KHDRBS3: variants seen among roughly 807,000 people sequenced by gnomAD.
KHDRBS3 encodes KH RNA binding domain containing, signal transduction associated 3.
KHDRBS3 carries 23 observed loss-of-function variants against 45.6 expected under a neutral mutation model. That is an observed-to-expected ratio of 0.50 (90% CI 0.36 to 0.72). The LOEUF (loss-of-function observed/expected upper bound fraction) is 0.72, where lower values mean the gene tolerates loss of function less well. Among genes scored for constraint, KHDRBS3 ranks in the 30% least tolerant of loss-of-function variants. The probability of loss-of-function intolerance (pLI) is 0.00; values close to 1 mark genes in which losing one functional copy is unlikely to be tolerated. For missense variants in KHDRBS3, 352 were observed against 424.8 expected (o/e 0.83, Z 1.51); for synonymous variants, 162 against 156.5 (o/e 1.04, Z -0.26).
chr8:135,533,144 G>A (rs971072375), intron 2 of KHDRBS3, among the ~76,000 whole-genome samples: 1 of 152,104 alleles, frequency 6.6e-6, no homozygotes, highest in African/African-American at 2.4e-5. Context: ...ATTTATATGT[G>A]CCTGGTTGCA....
chr8:135,640,959 G>A (rs2131181740), intron 7 of KHDRBS3, among the ~76,000 whole-genome samples: 1 of 152,292 alleles, frequency 6.6e-6, no homozygotes, highest in Middle Eastern at 3.4e-3. Flanking sequence ...AATTCAGATG[G>A]AACTGACAGG....
At chr8:135,535,113 A>G (rs1360532589) in intron 2 of KHDRBS3, among the ~76,000 whole-genome samples, 1 of 152,038 alleles carries the variant, frequency 6.6e-6, no homozygotes, top group Non-Finnish European at 1.5e-5. Flanking sequence ...AGATAGCCTT[A>G]AAGTGGAACT....
chr8:135,631,252 GAAAAAA>G (rs35613635), intron 7 of KHDRBS3, among the ~76,000 whole-genome samples: 34 of 74,990 alleles, frequency 4.5e-4, no homozygotes, highest in African/African-American at 1.1e-3. Flanking sequence ...CTCCGTCTCG[GAAAAAA>G]AAAAAAAAAA....
At chr8:135,604,830 G>GT (rs1170130689) in intron 6 of KHDRBS3, among the ~76,000 whole-genome samples, 8 of 149,374 alleles carry the variant, frequency 5.4e-5, no homozygotes, top group East Asian at 2.0e-4. Context: ...AGTGTTCTTT[G>GT]TTTTTTTTAA....
At chr8:135,641,004 G>C (rs1051689944) in intron 7 of KHDRBS3, among the ~76,000 whole-genome samples, 1 of 152,104 alleles carries the variant, frequency 6.6e-6, no homozygotes, top group African/African-American at 2.4e-5. Flanking sequence ...CCAGCTCCTC[G>C]GCTTGATGAC....
intron 5 of KHDRBS3, 64 bp downstream of exon 5, chr8:135,557,651 G>A: frequency 4.0e-6 from 5 of 1,261,224 alleles, no homozygotes; most frequent in Non-Finnish European, 5.7e-6. Context: ...TCCTTTATTA[G>A]TAGCCAAAAC....
At chr8:135,596,895 A>G (rs988212968) in intron 6 of KHDRBS3, among the ~76,000 whole-genome samples, 1 of 152,146 alleles carries the variant, frequency 6.6e-6, no homozygotes, top group Non-Finnish European at 1.5e-5. Flanking sequence ...AAAGTCTCTC[A>G]TGTCCACCTT....
At chr8:135,581,205 C>G (rs1240173991) in intron 5 of KHDRBS3, among the ~76,000 whole-genome samples, 2 of 152,134 alleles carry the variant, frequency 1.3e-5, no homozygotes, top group Non-Finnish European at 2.9e-5. Context: ...ACTTTTCTGT[C>G]CTTATGTTTT....
At chr8:135,466,909 C>G (rs920777374) in intron 1 of KHDRBS3, among the ~76,000 whole-genome samples, 1 of 152,244 alleles carries the variant, frequency 6.6e-6, no homozygotes, top group Non-Finnish European at 1.5e-5. Context: ...CACTGAGCCT[C>G]TATTCCCTCA....
At chr8:135,602,762 TTC>T (rs1275956325) in intron 6 of KHDRBS3, among the ~76,000 whole-genome samples, 1 of 152,176 alleles carries the variant, frequency 6.6e-6, no homozygotes, top group African/African-American at 2.4e-5. Flanking sequence ...TCTTCACCCT[TTC>T]TGTTTCGTGC....
intron 5 of KHDRBS3, among the ~76,000 whole-genome samples, chr8:135,580,715 T>A (rs1383020678): frequency 6.6e-6 from 1 of 151,262 alleles, no homozygotes; most frequent in Non-Finnish European, 1.5e-5. Context: ...TGGGTTCAAG[T>A]GATTGTTGTT....
intron 1 of KHDRBS3, among the ~76,000 whole-genome samples, chr8:135,488,283 A>G (rs901864603): frequency 1.3e-4 from 20 of 152,236 alleles, no homozygotes; most frequent in African/African-American, 4.6e-4. Context: ...TAAGCGGGGA[A>G]TGAATTTTTT....
intron 6 of KHDRBS3, among the ~76,000 whole-genome samples, chr8:135,585,193 C>T (rs1172779269): frequency 7.0e-6 from 1 of 142,116 alleles, no homozygotes; most frequent in Non-Finnish European, 1.5e-5. Context: ...CGCCCCACTG[C>T]ACCCCAGCCT....
intron 2 of KHDRBS3, among the ~76,000 whole-genome samples, chr8:135,535,682 C>T (rs1251478119): frequency 6.6e-6 from 1 of 151,918 alleles, no homozygotes; most frequent in Non-Finnish European, 1.5e-5. Context: ...TGTGACTTTT[C>T]TTTTTAAATA....
At position 135,643,346 on chromosome 8, in the gene KHDRBS3, G is replaced by A. The variant is rs139877030; in HGVS notation, c.891-1713G>A. Among the ~76,000 whole-genome samples the A allele has an allele frequency of 1.1e-4, 16 of 152,170 alleles. No individual in the cohort carries two copies. The East Asian group carries it at 1.9e-3, about 18-fold the overall frequency. The stretch of plus-strand genomic sequence containing the variant: ...AGAGTGATGGAGGTGCCCCTTCTCC[G>A]TATACCCACTTAACATATGTAACGT... On this transcript the variant is annotated intron_variant, in intron 7 of 8. Transcript: ENST00000355849.
intron 1 of KHDRBS3, among the ~76,000 whole-genome samples, chr8:135,472,584 A>G (rs183084244): frequency 1.1e-3 from 165 of 152,340 alleles, no homozygotes; most frequent in Non-Finnish European, 1.7e-3. Flanking sequence ...AAATGGGACA[A>G]GAGGATTAGA....
At chr8:135,511,833 C>T (rs1185895139) in intron 1 of KHDRBS3, among the ~76,000 whole-genome samples, 1 of 152,224 alleles carries the variant, frequency 6.6e-6, no homozygotes, top group Non-Finnish European at 1.5e-5. Context: ...GCTAGGATTA[C>T]AGGCGTGAGC....
intron 2 of KHDRBS3, among the ~76,000 whole-genome samples, chr8:135,535,327 ATAGT>A (rs1180946889): frequency 1.1e-3 from 82 of 77,694 alleles, no homozygotes; most frequent in African/African-American, 3.2e-3. Flanking sequence ...ACTATTATAT[ATAGT>A]TAAACTATAT....
chr8:135,652,276 G>T (rs546507506), downstream of KHDRBS3, among the ~76,000 whole-genome samples: 1 of 152,160 alleles, frequency 6.6e-6, no homozygotes, highest in Non-Finnish European at 1.5e-5. Flanking sequence ...ATCCCGTCCA[G>T]TTGAAGTTGA....
Sources: gnomAD v4.1 joint callset for allele counts (sites outside exome capture counted in the v4.1 genomes callset) on GRCh38, gnomAD v4.1.1 for gene constraint, MANE v1.5 for transcripts, NCBI Gene and HGNC (gene_info 2026-07-23, HGNC 2026-07-21) for gene names.